Variants in SGCD observed in about 807,000 individuals in gnomAD.
SGCD encodes delta-sarcoglycan.
In SGCD, 18 loss-of-function variants were observed where a neutral mutation model predicts 36.6. That is an observed-to-expected ratio of 0.49 (90% CI 0.34 to 0.73). The LOEUF is 0.73. Ranked by LOEUF, SGCD falls within the 30% of genes least tolerant of loss-of-function variation. The pLI is 0.01. For synonymous variants in SGCD, 133 were observed against 130.6 expected, an observed-to-expected ratio of 1.02 and a Z score of -0.12; for missense variants, 387 against 346.7, an observed-to-expected ratio of 1.12 and a Z score of -0.92.
chr5:155,923,246 A>G (rs1313020741), intron 1 of SGCD, among the ~76,000 whole-genome samples: 1 of 149,912 alleles, frequency 6.7e-6, no homozygotes, highest in Admixed American at 6.7e-5. Flanking sequence ...ATAAACTAAT[A>G]CATGTATAAT....
chr5:156,236,179 G>A (rs770986789), intron 3 of SGCD, among the ~76,000 whole-genome samples: 6 of 152,078 alleles, frequency 3.9e-5, no homozygotes, highest in Non-Finnish European at 5.9e-5. Context: ...AACATGTTAC[G>A]GTTAAATCAT....
intron 3 of SGCD, among the ~76,000 whole-genome samples, chr5:156,144,924 T>C (rs1762675358): frequency 6.6e-6 from 1 of 152,214 alleles, no homozygotes; most frequent in African/African-American, 2.4e-5. Flanking sequence ...ACTTTTGACT[T>C]TAGAGTTAAT....
intron 7 of SGCD, among the ~76,000 whole-genome samples, chr5:156,719,038 C>T (rs186595070): frequency 2.4e-3 from 365 of 152,198 alleles, no homozygotes; most frequent in African/African-American, 8.5e-3. Context: ...GAGAAACCTT[C>T]TCTTATGTTT....
intron 1 of SGCD, among the ~76,000 whole-genome samples, chr5:155,972,396 A>G (rs1366386483): frequency 2.0e-5 from 3 of 152,150 alleles, no homozygotes; most frequent in African/African-American, 7.2e-5. Context: ...GTTGCCTAAT[A>G]CTATGTTGTG....
At chr5:156,103,578 A>T (rs368025727) in intron 1 of SGCD, among the ~76,000 whole-genome samples, 1 of 152,130 alleles carries the variant, frequency 6.6e-6, no homozygotes, top group East Asian at 1.9e-4. Flanking sequence ...ATAGACCGAT[A>T]TCCCTTAAAC....
Position 156,710,464 on chromosome 5 carries a change from G to A in SGCD, c.576-47117G>A, listed in dbSNP as rs555971284. ...AGATTTATGTTGAGCCAAATGTGAGGACTATGACCCATAACGCAGCCCCAG... is the reference window on the plus strand; with the variant it reads ...AGATTTATGTTGAGCCAAATGTGAGAACTATGACCCATAACGCAGCCCCAG... On this transcript the variant is annotated intron_variant, in intron 7 of 8. Coordinates refer to ENST00000337851, the MANE Select transcript of SGCD (RefSeq NM_000337.6). 5.3e-5 allele frequency among the ~76,000 whole-genome samples: 8 copies of A among 152,300 alleles called. No individual in the cohort carries two copies. The South Asian group carries it at 1.7e-3, about 32-fold the overall frequency.
chr5:156,259,126 A>G (rs914568247), intron 3 of SGCD, among the ~76,000 whole-genome samples: 1 of 150,276 alleles, frequency 6.7e-6, no homozygotes, highest in African/African-American at 2.4e-5. Flanking sequence ...TTATTTATTT[A>G]TTTATTTATT....
chr5:156,750,370 T>TA (rs1757105962), intron 7 of SGCD, among the ~76,000 whole-genome samples: 1 of 151,876 alleles, frequency 6.6e-6, no homozygotes, highest in Non-Finnish European at 1.5e-5. Flanking sequence ...GACAGTATAG[T>TA]AAAAAAAGAA....
intron 3 of SGCD, among the ~76,000 whole-genome samples, chr5:156,222,038 G>A (rs149901931): frequency 1.3e-5 from 2 of 152,102 alleles, no homozygotes; most frequent in East Asian, 1.9e-4. Flanking sequence ...ATGTTGAAAC[G>A]GTTAAGCTTA....
intron 4 of SGCD, among the ~76,000 whole-genome samples, chr5:156,561,525 CT>C (rs572484503): frequency 5.3e-4 from 80 of 152,310 alleles, no homozygotes; most frequent in Middle Eastern, 3.4e-3. Flanking sequence ...GATTCAGGCT[CT>C]GATTATCTGT....
At chr5:155,825,873 C>G in the SGCD span, among the ~76,000 whole-genome samples, 2 of 152,058 alleles carry the variant, frequency 1.3e-5, no homozygotes, top group Non-Finnish European at 2.9e-5. Context: ...CTCAGCCTCT[C>G]AAGTAGCTGG....
At chr5:156,694,463 T>A (rs32093) in intron 7 of SGCD, among the ~76,000 whole-genome samples, 139,547 of 151,970 alleles carry the variant, frequency 0.92, 64,241 homozygotes, top group East Asian at 0.99. Flanking sequence ...CAATTTTTAA[T>A]TTTTTTTTCT....
intron 3 of SGCD, among the ~76,000 whole-genome samples, chr5:156,349,319 A>G (rs1250791454): frequency 1.3e-5 from 2 of 152,118 alleles, no homozygotes; most frequent in East Asian, 1.9e-4. Flanking sequence ...TTAACAACCT[A>G]TGAAGTGGGA....
intron 3 of SGCD, among the ~76,000 whole-genome samples, chr5:156,302,366 AT>A (rs1437472856): frequency 6.6e-6 from 1 of 152,008 alleles, no homozygotes; most frequent in African/African-American, 2.4e-5. Context: ...ATTTTTAAAA[AT>A]TATTTTAATC....
intron 1 of SGCD, among the ~76,000 whole-genome samples, chr5:155,918,884 T>C (rs1756812503): frequency 6.6e-6 from 1 of 152,204 alleles, no homozygotes; most frequent in South Asian, 2.1e-4. Flanking sequence ...AGAATATGTG[T>C]ATATGTGTAT....
intron 3 of SGCD, among the ~76,000 whole-genome samples, chr5:156,312,088 G>T (rs1310247419): frequency 2.0e-5 from 3 of 152,158 alleles, no homozygotes; most frequent in Non-Finnish European, 4.4e-5. Flanking sequence ...TCACAGGAAG[G>T]CAAAGGAAAT....
At chr5:156,714,372 T>G (rs2113762000) in intron 7 of SGCD, among the ~76,000 whole-genome samples, 1 of 152,372 alleles carries the variant, frequency 6.6e-6, no homozygotes, top group South Asian at 2.1e-4. Context: ...TCTAGTGTTT[T>G]TAAGCACAAG....
rs186556623 is a variant in SGCD, at chr5:156,003,439, C to G, written c.-281-114439C>G. Among the ~76,000 whole-genome samples the G allele has an allele frequency of 5.9e-5, 9 of 152,278 alleles. No homozygotes were observed. In the East Asian group the frequency reaches 1.2e-3, roughly 20 times the overall value. On this transcript the variant is annotated intron_variant, in intron 1 of 9. Transcript: ENST00000517913. ...TCTTTAAAGGTCCTCAGCATCAATT[C>G]TGATGGAATTTATTTTCAAATGCTT... is the stretch of plus-strand genomic sequence containing the variant.
chr5:156,653,417 T>C (rs1344281381), intron 7 of SGCD, among the ~76,000 whole-genome samples: 1 of 151,620 alleles, frequency 6.6e-6, no homozygotes, highest in Non-Finnish European at 1.5e-5. Flanking sequence ...ATCTTTTGTA[T>C]TTCTGTGGGG....
Sources: allele counts gnomAD v4.1 joint callset (sites outside exome capture counted in the v4.1 genomes callset), GRCh38; gene constraint gnomAD v4.1.1; transcripts MANE v1.5; gene names NCBI Gene and HGNC (gene_info 2026-07-23, HGNC 2026-07-21).